FBXL13: variants seen among roughly 807,000 people sequenced by gnomAD.
FBXL13 encodes the protein F-box and leucine-rich repeat protein 13.
In FBXL13, 67 loss-of-function variants were observed where a neutral mutation model predicts 83.6. The ratio of observed to expected loss-of-function variants is 0.80; its 90% CI spans 0.66 to 0.98. The LOEUF (loss-of-function observed/expected upper bound fraction) is 0.98. Among genes scored for constraint, FBXL13 ranks in the 50% least tolerant of loss-of-function variants. The probability of loss-of-function intolerance (pLI) is 0.00; values close to 1 mark genes in which losing one functional copy is unlikely to be tolerated. For missense variants in FBXL13, 822 were observed against 866.5 expected (o/e 0.95, Z 0.64); for synonymous variants, 272 against 299.5 (o/e 0.91, Z 0.95).
intron 17 of FBXL13, among the ~76,000 whole-genome samples, chr7:102,848,146 T>C (rs1295771799): frequency 3.9e-5 from 6 of 152,158 alleles, no homozygotes; most frequent in Admixed American, 3.9e-4. Flanking sequence ...CTAATGACAT[T>C]AGCACCTGGC....
At chr7:102,853,894 G>C (rs1297776621) in intron 17 of FBXL13, among the ~76,000 whole-genome samples, 6 of 152,298 alleles carry the variant, frequency 3.9e-5, no homozygotes, top group Admixed American at 2.6e-4. Context: ...AGGATGTGGA[G>C]AAATAGGAAC....
intron 17 of FBXL13, 79 bp from the exon 19 acceptor site, chr7:102,833,053 G>A (rs1025169721): frequency 2.4e-5 from 35 of 1,451,352 alleles, no homozygotes; most frequent in African/African-American, 1.7e-4. Flanking sequence ...CTTATTAAAT[G>A]TACATTTCAG....
chr7:102,961,664 C>T lies in FBXL13; in HGVS notation c.724+1869G>A, dbSNP rs1195462891. On this transcript the variant is annotated intron_variant, in intron 8 of 19. Coordinates refer to ENST00000313221, the Ensembl canonical transcript of FBXL13. ...TATAGACCAATGGAACAGAACAGAGCCCTCAGAAATAACGCTGCATATCTA... is the reference window on the plus strand; with the variant it reads ...TATAGACCAATGGAACAGAACAGAGTCCTCAGAAATAACGCTGCATATCTA... 7.3e-5 allele frequency among the ~76,000 whole-genome samples: 11 copies of T among 151,138 alleles called. No homozygotes were observed. In the East Asian group the frequency reaches 7.8e-4, roughly 11 times the overall value.
intron 17 of FBXL13, among the ~76,000 whole-genome samples, chr7:102,836,269 A>G (rs1801959376): frequency 6.6e-6 from 1 of 152,238 alleles, no homozygotes. Context: ...AATCTGAGGC[A>G]CAAAAATTGG....
At chr7:102,879,439 A>ATGTGTGTTTGTGTGTG (rs1809705772) in intron 14 of FBXL13, among the ~76,000 whole-genome samples, 11 of 144,806 alleles carry the variant, frequency 7.6e-5, no homozygotes, top group African/African-American at 2.6e-4. Flanking sequence ...GCAGTTAAGG[A>ATGTGTGTTTGTGTGTG]TGTGTGTGTG....
chr7:102,933,235 A>G (rs999175045), intron 8 of FBXL13: 2 of 152,198 alleles, frequency 1.3e-5, no homozygotes, highest in African/African-American at 4.8e-5. Flanking sequence ...GCATCTCTGG[A>G]GCCCACACCC....
intron 6 of FBXL13, among the ~76,000 whole-genome samples, chr7:103,019,848 G>A (rs1159574145): frequency 1.3e-5 from 2 of 151,896 alleles, no homozygotes; most frequent in African/African-American, 4.8e-5. Flanking sequence ...ACCAACCAAA[G>A]AAAAGGCCAG....
chr7:102,910,082 A>G, intron 11 of FBXL13, among the ~76,000 whole-genome samples: 1 of 152,210 alleles, frequency 6.6e-6, no homozygotes, highest in Non-Finnish European at 1.5e-5. Flanking sequence ...GGGACTGGCA[A>G]TTCCCCTGTG....
intron 6 of FBXL13, among the ~76,000 whole-genome samples, chr7:103,011,408 G>A (rs1234845543): frequency 6.6e-6 from 1 of 152,108 alleles, no homozygotes; most frequent in African/African-American, 2.4e-5. Context: ...GCCGAGGTGG[G>A]TGGATCACCT....
intron 6 of FBXL13, among the ~76,000 whole-genome samples, chr7:102,971,404 C>G (rs1234191651): frequency 6.6e-6 from 1 of 151,786 alleles, no homozygotes; most frequent in Admixed American, 6.6e-5. Context: ...TCGAGACCAG[C>G]CTGACCAAGA....
At chr7:103,025,116 C>A in exon 6 of FBXL13, 1 of 1,612,760 alleles carries the variant, frequency 6.2e-7, no homozygotes, top group Middle Eastern at 1.7e-4. Flanking sequence ...AGAGTCTCAT[C>A]TACAAGAAAG....
intron 6 of FBXL13, among the ~76,000 whole-genome samples, chr7:102,969,876 G>C (rs552452236): frequency 3.3e-5 from 5 of 149,340 alleles, no homozygotes; most frequent in South Asian, 4.3e-4. Flanking sequence ...AAAAGAAAAG[G>C]AAAGAAAAGA....
intron 16 of FBXL13, chr7:102,857,752 A>C (rs983567285): frequency 2.6e-5 from 4 of 152,226 alleles, no homozygotes; most frequent in Non-Finnish European, 5.9e-5. Context: ...CAAAGCCACA[A>C]TGAGATGTCA....
intron 11 of FBXL13, among the ~76,000 whole-genome samples, chr7:102,885,335 T>C (rs913365243): frequency 4.6e-5 from 7 of 152,316 alleles, no homozygotes; most frequent in East Asian, 1.9e-4. Flanking sequence ...TGGTACTCCA[T>C]TGTGATTTTC....
At chr7:102,911,586 G>A (rs1814694856) in intron 11 of FBXL13, among the ~76,000 whole-genome samples, 1 of 152,144 alleles carries the variant, frequency 6.6e-6, no homozygotes, top group African/African-American at 2.4e-5. Context: ...TATATCAAAG[G>A]GATAGATCCC....
intron 17 of FBXL13, among the ~76,000 whole-genome samples, chr7:102,833,508 C>T (rs1221894083): frequency 6.6e-6 from 1 of 150,454 alleles, no homozygotes; most frequent in Non-Finnish European, 1.5e-5. Context: ...TCTGAGCTCA[C>T]TGCAACCTCT....
In FBXL13 at chr7:103,060,050, ATATATATATATATAC is replaced by A. The variant is rs1369940754; in HGVS notation, c.-104-4318_-104-4304del. The stretch of plus-strand genomic sequence containing the variant: ...TATATATATATATATATATATATAT[ATATATATATATATAC>A]TTTTTTTTTTTTTTGAGACAAGGTC... On this transcript the variant is annotated intron_variant, in intron 1 of 19. Coordinates refer to ENST00000313221, the Ensembl canonical transcript of FBXL13. Among the ~76,000 whole-genome samples the A allele has an allele frequency of 4.5e-3, 456 of 102,348 alleles. 11 individuals are homozygous for A. The highest frequency in any genetic ancestry group is 0.018 in the African/African-American group (426 of 23,250). The allele number at this position is 102,348 out of a possible 152,430, so 67.1% of individuals were successfully genotyped here.
At chr7:102,873,747 A>G (rs1332526493) in intron 16 of FBXL13, among the ~76,000 whole-genome samples, 1 of 152,148 alleles carries the variant, frequency 6.6e-6, no homozygotes, top group Non-Finnish European at 1.5e-5. Context: ...ATCTCTCACC[A>G]TACTTCTCGC....
At position 103,017,051 on chromosome 7, in the gene FBXL13, G is replaced by A. The variant is rs919088217; in HGVS notation, c.495+8012C>T. Among the ~76,000 whole-genome samples the A allele has an allele frequency of 2.6e-5, 4 of 152,298 alleles. No homozygotes were observed. In the East Asian group the frequency reaches 7.7e-4, roughly 29 times the overall value. On this transcript the variant is annotated intron_variant, in intron 6 of 19. Coordinates refer to ENST00000313221, the Ensembl canonical transcript of FBXL13. ...CGTCAAGTGGGTCCCTGACCTCCGA[G>A]TAGCCTAACTGGGAGGCATCTCCCA...
Sources: gnomAD v4.1 joint callset for allele counts (sites outside exome capture counted in the v4.1 genomes callset) on GRCh38, gnomAD v4.1.1 for gene constraint, MANE v1.5 for transcripts, NCBI Gene and HGNC (gene_info 2026-07-23, HGNC 2026-07-21) for gene names.